The following KIFAP3 variants were observed in gnomAD, a reference collection of about 807,000 sequenced individuals.
KIFAP3 encodes kinesin associated protein 3.
In KIFAP3, 68 loss-of-function variants were observed where a neutral mutation model predicts 106.5. That is an observed-to-expected ratio of 0.64 (90% CI 0.53 to 0.78). KIFAP3 has a LOEUF of 0.78. Among genes scored for constraint, KIFAP3 ranks in the 30% least tolerant of loss-of-function variants. KIFAP3 has a pLI of 0.00. For missense variants in KIFAP3, 780 were observed against 941.8 expected (o/e 0.83, Z 2.25); for synonymous variants, 320 against 311.5 (o/e 1.03, Z -0.29).
At chr1:169,945,205 AC>A (rs1664373293) in intron 19 of KIFAP3, among the ~76,000 whole-genome samples, 1 of 152,106 alleles carries the variant, frequency 6.6e-6, no homozygotes, top group South Asian at 2.1e-4. Flanking sequence ...CCAGGTCATG[AC>A]AGTGCCTGGG....
chr1:169,980,919 T>C (rs1315751122), intron 15 of KIFAP3, among the ~76,000 whole-genome samples: 1 of 152,056 alleles, frequency 6.6e-6, no homozygotes, highest in Admixed American at 6.6e-5. Context: ...CTGACCAACA[T>C]GGAGAAACCC....
At chr1:170,071,140 T>C (rs1671685650) in intron 1 of KIFAP3, among the ~76,000 whole-genome samples, 1 of 152,324 alleles carries the variant, frequency 6.6e-6, no homozygotes, top group South Asian at 2.1e-4. Flanking sequence ...CTGGTGGGAA[T>C]GTAAAATGGT....
intron 10 of KIFAP3, among the ~76,000 whole-genome samples, chr1:169,998,906 T>C (rs1450811697): frequency 6.6e-6 from 1 of 152,186 alleles, no homozygotes; most frequent in Non-Finnish European, 1.5e-5. Flanking sequence ...AGCAGATATC[T>C]GGAACCTACA....
chr1:170,009,684 T>G (rs1668147839), intron 10 of KIFAP3, among the ~76,000 whole-genome samples: 1 of 152,148 alleles, frequency 6.6e-6, no homozygotes, highest in African/African-American at 2.4e-5. Flanking sequence ...AAGTTACTTT[T>G]GAAACACTAT....
At position 169,983,361 on chromosome 1, in the gene KIFAP3, A is replaced by G; in HGVS notation, c.1415T>C (p.Met472Thr). ...ATCCTTAAACTTCAGAGCCCTCTTC[A>G]TGAGCATCTTCAGCCCATTTCCTGA... The part of the protein sequence containing the change: ...ICEGNGLKML[M>T]KRALKFKDPL... Residue 472 changes from methionine (M) to threonine (T), a missense_variant, in exon 13 of 20, where the codon ATG becomes ACG. Physicochemically the swap from Met to Thr is moderately conservative, Grantham distance 81 (BLOSUM62 -1). This residue lies in a region of KIFAP3 where 588 missense variants were observed against 678.9 expected (regional missense o/e 0.87). Coordinates refer to ENST00000361580, the MANE Select transcript of KIFAP3 (RefSeq NM_014970.4). The G allele has an allele frequency of 6.2e-7, 1 of 1,608,590 alleles. No homozygotes were observed.
At chr1:169,924,939 A>C (rs961326929) in intron 19 of KIFAP3, among the ~76,000 whole-genome samples, 1 of 152,178 alleles carries the variant, frequency 6.6e-6, no homozygotes, top group Admixed American at 6.5e-5. Flanking sequence ...GTATGCCCTC[A>C]CTAGGGGCCC....
intron 11 of KIFAP3, among the ~76,000 whole-genome samples, chr1:169,991,363 G>A (rs2101931525): frequency 6.6e-6 from 1 of 150,608 alleles, no homozygotes; most frequent in East Asian, 2.0e-4. Flanking sequence ...AAAAAGGAAG[G>A]AAGGAAGGAA....
chr1:169,987,611 A>T (rs1666894250), intron 11 of KIFAP3, among the ~76,000 whole-genome samples: 1 of 152,080 alleles, frequency 6.6e-6, no homozygotes, highest in Admixed American at 6.6e-5. Context: ...GGCAAGAGCA[A>T]AGGGGGCTGT....
At chr1:170,057,904 A>G (rs1280089788) in intron 1 of KIFAP3, among the ~76,000 whole-genome samples, 1 of 152,150 alleles carries the variant, frequency 6.6e-6, no homozygotes, top group Non-Finnish European at 1.5e-5. Context: ...GCTCTGCTTC[A>G]CTTTGTTTTC....
upstream of KIFAP3, among the ~76,000 whole-genome samples, chr1:170,078,259 GT>G (rs1199295236): frequency 6.6e-6 from 1 of 151,760 alleles, no homozygotes; most frequent in Non-Finnish European, 1.5e-5. Context: ...TCTAATAAGT[GT>G]GCAGGGCTAT....
intron 19 of KIFAP3, among the ~76,000 whole-genome samples, chr1:169,936,085 T>C (rs1368300956): frequency 1.3e-5 from 2 of 151,962 alleles, no homozygotes; most frequent in South Asian, 2.1e-4. Context: ...GAAAACCTGA[T>C]GCATTTTAAC....
chr1:170,016,374 G>T (rs1168719749), intron 10 of KIFAP3, 88 bp downstream of exon 10: 3 of 987,574 alleles, frequency 3.0e-6, no homozygotes, highest in Admixed American at 2.5e-5. Context: ...AATGCTTTTT[G>T]TTCAGGAGGC....
At chr1:170,070,073 T>C (rs927900851) in intron 1 of KIFAP3, among the ~76,000 whole-genome samples, 1 of 151,806 alleles carries the variant, frequency 6.6e-6, no homozygotes, top group Admixed American at 6.6e-5. Flanking sequence ...TCCAATAGCA[T>C]CAAAAAGAAT....
At chr1:169,969,772 A>G (rs1448184390) in intron 17 of KIFAP3, among the ~76,000 whole-genome samples, 1 of 151,936 alleles carries the variant, frequency 6.6e-6, no homozygotes, top group Non-Finnish European at 1.5e-5. Flanking sequence ...ATCTAGTGAT[A>G]GGCCATGTAG....
intron 15 of KIFAP3, among the ~76,000 whole-genome samples, chr1:169,980,524 T>C (rs1227970912): frequency 6.6e-6 from 1 of 152,198 alleles, no homozygotes; most frequent in Middle Eastern, 3.2e-3. Flanking sequence ...TCAAATATTG[T>C]AGCCATAAAC....
At chr1:170,059,189 T>C (rs925669780) in intron 1 of KIFAP3, among the ~76,000 whole-genome samples, 1 of 151,144 alleles carries the variant, frequency 6.6e-6, no homozygotes, top group African/African-American at 2.4e-5. Context: ...CTGAAGGAGA[T>C]AGAGACACAA....
At chr1:170,065,892 T>C (rs917507109) in intron 1 of KIFAP3, among the ~76,000 whole-genome samples, 5 of 152,168 alleles carry the variant, frequency 3.3e-5, no homozygotes, top group Non-Finnish European at 7.4e-5. Context: ...TTGGACATTA[T>C]TGTTTTGGAT....
rs80083372 is a variant in KIFAP3, at chr1:169,981,449, C to T, written c.1798+523G>A. Among the ~76,000 whole-genome samples the T allele has an allele frequency of 2.9e-3, 440 of 152,094 alleles. 4 individuals carry two copies. The highest frequency in any genetic ancestry group is 0.01 in the African/African-American group (429 of 41,494). On this transcript the variant is annotated intron_variant, in intron 15 of 19. Coordinates refer to ENST00000361580, the MANE Select transcript of KIFAP3 (RefSeq NM_014970.4). The stretch of plus-strand genomic sequence containing the variant: ...ATTGCAATGCTTGTATTCAAGTAAC[C>T]CTTATTTCATTTAATAATGGCTCCA...
chr1:170,021,132 A>G (rs1668793371), intron 9 of KIFAP3, among the ~76,000 whole-genome samples: 2 of 152,204 alleles, frequency 1.3e-5, no homozygotes, highest in Admixed American at 6.5e-5. Flanking sequence ...GTTAGCAGTA[A>G]GAAAATTAAG....
Sources: allele counts gnomAD v4.1 joint callset (sites outside exome capture counted in the v4.1 genomes callset), GRCh38; gene constraint gnomAD v4.1.1; regional missense constraint gnomAD v4.1.1; transcripts MANE v1.5; gene names NCBI Gene and HGNC (gene_info 2026-07-23, HGNC 2026-07-21).